The following SLC38A11 variants were observed in gnomAD, a reference collection of about 807,000 sequenced individuals.
SLC38A11 encodes solute carrier family 38 member 11, also known as putative sodium-coupled neutral amino acid transporter 11.
A neutral mutation model predicts 49.4 loss-of-function variants in SLC38A11; 51 were observed. That is an observed-to-expected ratio of 1.03 (90% CI 0.83 to 1.30). SLC38A11 has a LOEUF of 1.30. Among genes scored for constraint, SLC38A11 ranks in the 50% most tolerant of loss-of-function variants. The probability of loss-of-function intolerance (pLI) is 0.00; values close to 1 mark genes in which losing one functional copy is unlikely to be tolerated. For missense variants in SLC38A11, 574 were observed against 556.2 expected, an observed-to-expected ratio of 1.03 and a Z score of -0.32; for synonymous variants, 203 against 192.9, an observed-to-expected ratio of 1.05 and a Z score of -0.43.
intron 7 of SLC38A11, among the ~76,000 whole-genome samples, chr2:164,920,834 G>A (rs1214819948): frequency 1.3e-5 from 2 of 152,144 alleles, no homozygotes; most frequent in Non-Finnish European, 2.9e-5. Context: ...AAGTGAGAAA[G>A]CAATCTGTCT....
chr2:164,919,968 C>T (rs561956769), intron 7 of SLC38A11, among the ~76,000 whole-genome samples: 1 of 152,090 alleles, frequency 6.6e-6, no homozygotes, highest in South Asian at 2.1e-4. Context: ...AGTGTACGCC[C>T]CCTGCCCAAA....
Position 164,894,418 on chromosome 2 carries a change from A to G in SLC38A11, c.*4019T>C, listed in dbSNP as rs1684351967. ...TAATGGAATGAAAAAGTGTCTTAACAAAAGACAACCATGTAAATTCTTTAT... is the reference window on the plus strand; with the variant it reads ...TAATGGAATGAAAAAGTGTCTTAACGAAAGACAACCATGTAAATTCTTTAT... On this transcript the variant is annotated 3_prime_UTR_variant, in exon 12 of 12. Coordinates refer to ENST00000685975, the MANE Select transcript of SLC38A11 (RefSeq NM_001351537.2). 6.6e-6 allele frequency among the ~76,000 whole-genome samples: 1 copy of G among 152,224 alleles called. No individual in the cohort carries two copies. Among genetic ancestry groups the G allele is most frequent in the East Asian group, 1.9e-4 (1 of 5,202 alleles).
chr2:164,905,119 CT>C (rs71393648), intron 11 of SLC38A11, among the ~76,000 whole-genome samples: 32,069 of 150,490 alleles, frequency 0.21, 3,486 homozygotes, highest in Admixed American at 0.31. Context: ...TATTATTATT[CT>C]TTTTTTTTAT....
intron 7 of SLC38A11, among the ~76,000 whole-genome samples, chr2:164,933,090 A>G (rs1687118284): frequency 6.6e-6 from 1 of 152,048 alleles, no homozygotes; most frequent in Non-Finnish European, 1.5e-5. Context: ...TAAAGTATGG[A>G]CTCACTTTTT....
chr2:164,897,924 C>T lies in SLC38A11; in HGVS notation c.*513G>A, dbSNP rs1200425364. The T allele has an allele frequency of 6.5e-6, 1 of 152,850 alleles. No individual in the cohort carries two copies. Among genetic ancestry groups the T allele is most frequent in the Non-Finnish European group, 1.5e-5 (1 of 68,704 alleles). The allele number at this position is 152,850 out of a possible 1,614,324, so 9.5% of individuals were successfully genotyped here. ...GCTCATTTCTCCAGGGATCCATTTC[C>T]CTTTAAACAAAGGATGCTGCTGAAA... On this transcript the variant is annotated 3_prime_UTR_variant, in exon 12 of 12. Transcript: ENST00000685975.
chr2:164,908,564 C>T (rs1050545465), intron 11 of SLC38A11, 76 bp downstream of exon 11: 1 of 1,315,022 alleles, frequency 7.6e-7, no homozygotes, highest in East Asian at 2.7e-5. Context: ...AAGGAAAATA[C>T]ATCTTATGTT....
chr2:164,945,583 G>C lies in SLC38A11; in HGVS notation c.364+10C>G, dbSNP rs780400369. The C allele has an allele frequency of 4.1e-5, 64 of 1,580,214 alleles. No individual in the cohort carries two copies. Among genetic ancestry groups the C allele is most frequent in the Non-Finnish European group, 5.0e-5 (58 of 1,170,844 alleles). ...CATAATTGCAATATTTATCTTCACA[G>C]TCAACTTACCTATAAAAGGATACAA... On this transcript the variant is annotated intron_variant, in intron 4 of 11. Transcript: ENST00000685975.
intron 3 of SLC38A11, among the ~76,000 whole-genome samples, chr2:164,952,461 A>G (rs567306183): frequency 6.6e-6 from 1 of 152,370 alleles, no homozygotes; most frequent in East Asian, 1.9e-4. Context: ...AAAAAGTGAA[A>G]AAGGCACATG....
intron 1 of SLC38A11, among the ~76,000 whole-genome samples, 191 bp downstream of exon 1, chr2:164,955,017 AT>A (rs1688755756): frequency 6.7e-6 from 1 of 149,318 alleles, no homozygotes; most frequent in Admixed American, 6.8e-5. Flanking sequence ...CAGTGATGTG[AT>A]TTTGTGAAAT....
intron 11 of SLC38A11, among the ~76,000 whole-genome samples, chr2:164,903,755 G>C (rs1684813785): frequency 6.6e-6 from 1 of 152,144 alleles, no homozygotes; most frequent in South Asian, 2.1e-4. Context: ...AAGTTATAAA[G>C]ATGGGACAGT....
At chr2:164,913,751 GTAGCA>G (rs1176826996) in intron 9 of SLC38A11, among the ~76,000 whole-genome samples, 3 of 152,080 alleles carry the variant, frequency 2.0e-5, no homozygotes, top group Admixed American at 2.0e-4. Context: ...GGCAAACTAT[GTAGCA>G]ATAGTGATAC....
chr2:164,927,638 T>G (rs1006717377), intron 7 of SLC38A11, among the ~76,000 whole-genome samples: 1 of 152,136 alleles, frequency 6.6e-6, no homozygotes, highest in Non-Finnish European at 1.5e-5. Flanking sequence ...GCCAACAGTA[T>G]CTTCCAACCT....
At chr2:164,918,882 G>A (rs190263417) in intron 7 of SLC38A11, among the ~76,000 whole-genome samples, 5 of 152,066 alleles carry the variant, frequency 3.3e-5, no homozygotes, top group Admixed American at 2.0e-4. Context: ...TGATTTTAAC[G>A]TCATGTTAAA....
At chr2:164,905,563 C>G (rs1395256894) in intron 11 of SLC38A11, among the ~76,000 whole-genome samples, 3 of 152,038 alleles carry the variant, frequency 2.0e-5, no homozygotes, top group African/African-American at 7.2e-5. Flanking sequence ...AGTGTCCACA[C>G]AAAAAGGAGT....
rs1187306508 is a variant in SLC38A11, at chr2:164,923,827, G to T, written c.618-7854C>A. Among the ~76,000 whole-genome samples, 4 of 151,966 alleles carry T rather than the reference G, an allele frequency of 2.6e-5. No individual in the cohort carries two copies. In the East Asian group the frequency reaches 7.7e-4, roughly 29 times the overall value. On this transcript the variant is annotated intron_variant, in intron 7 of 11. Coordinates refer to ENST00000685975, the MANE Select transcript of SLC38A11 (RefSeq NM_001351537.2). ...ATAAAAAAAAAAAACAAATGTTAGT[G>T]GGGCTGTGGAGAAAAGGGAACACTT... is the stretch of plus-strand genomic sequence containing the variant.
chr2:164,927,047 A>T (rs1168278879), intron 7 of SLC38A11, among the ~76,000 whole-genome samples: 5 of 152,156 alleles, frequency 3.3e-5, no homozygotes, highest in African/African-American at 4.8e-5. Context: ...GGCCTTTAGG[A>T]GGTAATTAGG....
At chr2:164,925,923 G>T (rs1366827098) in intron 7 of SLC38A11, among the ~76,000 whole-genome samples, 2 of 152,094 alleles carry the variant, frequency 1.3e-5, no homozygotes, top group Admixed American at 6.6e-5. Context: ...TACCCATATA[G>T]TTCTCCAAGC....
intron 7 of SLC38A11, among the ~76,000 whole-genome samples, chr2:164,932,850 A>T (rs1053453628): frequency 6.6e-6 from 1 of 152,214 alleles, no homozygotes; most frequent in Non-Finnish European, 1.5e-5. Context: ...AAGTTTACCT[A>T]TATAACAAAC....
At chr2:164,933,697 A>G (rs1391357356) in intron 7 of SLC38A11, among the ~76,000 whole-genome samples, 1 of 152,096 alleles carries the variant, frequency 6.6e-6, no homozygotes, top group African/African-American at 2.4e-5. Context: ...AAAATGAAGA[A>G]AACCACACAT....
Sources: gnomAD v4.1 joint callset for allele counts (sites outside exome capture counted in the v4.1 genomes callset) on GRCh38, gnomAD v4.1.1 for gene constraint, MANE v1.5 for transcripts, NCBI Gene and HGNC (gene_info 2026-07-23, HGNC 2026-07-21) for gene names.